Variants in STXBP5 observed in about 807,000 individuals in gnomAD.
The protein encoded by STXBP5 is syntaxin-binding protein 5.
Under a neutral mutation model 152.4 loss-of-function variants are expected in STXBP5, and 50 were observed. That is an observed-to-expected ratio of 0.33 (90% confidence interval 0.26 to 0.42). STXBP5 has a LOEUF of 0.42. STXBP5 is among the 10% of genes least tolerant of loss of function. STXBP5 has a pLI of 1.00. For synonymous variants in STXBP5, 492 were observed against 494.7 expected, an observed-to-expected ratio of 0.99 and a Z score of 0.07; for missense variants, 1,167 against 1,388.6, an observed-to-expected ratio of 0.84 and a Z score of 2.54.
chr6:147,232,816 T>TA (rs1001324809), intron 2 of STXBP5, among the ~76,000 whole-genome samples: 22 of 151,856 alleles, frequency 1.4e-4, no homozygotes, highest in African/African-American at 5.3e-4. Context: ...TATATCAATT[T>TA]AAAAGTACAT....
intron 25 of STXBP5, among the ~76,000 whole-genome samples, chr6:147,368,950 TAAA>T (rs1562273218): frequency 6.6e-6 from 1 of 151,896 alleles, no homozygotes; most frequent in African/African-American, 2.4e-5. Context: ...TTTAAAGTCT[TAAA>T]AATTTTTTAG....
At chr6:147,262,182 T>A (rs1230630773) in intron 5 of STXBP5, 108 bp from the exon 6 acceptor site, 5 of 704,074 alleles carry the variant, frequency 7.1e-6, no homozygotes, top group Non-Finnish European at 1.1e-5. Context: ...ATCCTTTCTT[T>A]CTTTATAAAT....
chr6:147,378,970 A>G (rs980212962), intron 26 of STXBP5, among the ~76,000 whole-genome samples: 14 of 152,082 alleles, frequency 9.2e-5, no homozygotes, highest in African/African-American at 3.4e-4. Context: ...GTTTCAGGAG[A>G]GAATCCATTT....
chr6:147,324,365 C>T (rs193297534), intron 16 of STXBP5, among the ~76,000 whole-genome samples: 160 of 149,450 alleles, frequency 1.1e-3, no homozygotes, highest in African/African-American at 3.4e-3. Context: ...TTCTGCCTCC[C>T]GGGTTCAAGC....
At position 147,373,678 on chromosome 6, in the gene STXBP5, A is replaced by G. The variant is rs868668411; in HGVS notation, c.3082-53A>G. 3.2e-5 allele frequency: 42 copies of G among 1,323,440 alleles called. 1 individual carries two copies. The Middle Eastern group carries it at 6.7e-3, about 213-fold the overall frequency. The allele number at this position is 1,323,440 out of a possible 1,614,324, so 82.0% of individuals were successfully genotyped here. A position where few individuals can be genotyped will look rare whatever the true frequency, so the allele number is the denominator to read the frequency against. On this transcript the variant is annotated intron_variant, in intron 25 of 27. Coordinates refer to ENST00000321680, the MANE Select transcript of STXBP5 (RefSeq NM_001127715.4). ...GTTTACAGTGATACTTTTGTTCATT[A>G]TAGTTTAGTTTCCCTGAAATTTCAA...
rs1013033047 is a variant in STXBP5, at chr6:147,385,615, A to C, written c.*860A>C. ...TTCAGCTAAAGGTGGATTTGACCAA[A>C]ATAATGCTGGTTAAATTTGTAGAAA... On this transcript the variant is annotated 3_prime_UTR_variant, in exon 28 of 28. Transcript: ENST00000321680. The C allele has an allele frequency of 4.6e-5, 7 of 152,092 alleles. No individual in the cohort carries two copies. Among genetic ancestry groups the C allele is most frequent in the Non-Finnish European group, 8.8e-5 (6 of 67,996 alleles). 9.4% of individuals were successfully genotyped at this position (152,092 alleles called of 1,614,324 possible). A position where few individuals can be genotyped will look rare whatever the true frequency, so the allele number is the denominator to read the frequency against.
At chr6:147,213,475 TGTGC>T (rs1181987297) in intron 2 of STXBP5, among the ~76,000 whole-genome samples, 2 of 132,174 alleles carry the variant, frequency 1.5e-5, no homozygotes, top group Non-Finnish European at 3.2e-5. Flanking sequence ...TGTGTGTGTG[TGTGC>T]GCGCGCATAT....
intron 23 of STXBP5, among the ~76,000 whole-genome samples, chr6:147,362,849 T>C (rs181630310): frequency 1.8e-3 from 276 of 152,332 alleles, no homozygotes; most frequent in African/African-American, 6.5e-3. Flanking sequence ...TGCTAAAGTC[T>C]TCAGATGGGG....
At chr6:147,254,651 A>G (rs1235509626) in intron 4 of STXBP5, among the ~76,000 whole-genome samples, 5 of 152,192 alleles carry the variant, frequency 3.3e-5, no homozygotes, top group Non-Finnish European at 7.4e-5. Context: ...AGACATTTAC[A>G]CAGCCACTTT....
chr6:147,208,475 C>T (rs1011203039), intron 2 of STXBP5, among the ~76,000 whole-genome samples: 3 of 152,092 alleles, frequency 2.0e-5, no homozygotes, highest in Admixed American at 6.5e-5. Context: ...ATTTGGTTAA[C>T]GTGCAGATTT....
chr6:147,213,477 T>TGTGTGCGCGC, intron 2 of STXBP5, among the ~76,000 whole-genome samples: 43 of 131,320 alleles, frequency 3.3e-4, no homozygotes, highest in South Asian at 9.3e-4. Context: ...TGTGTGTGTG[T>TGTGTGCGCGC]GCGCGCGCAT....
intron 4 of STXBP5, among the ~76,000 whole-genome samples, chr6:147,247,426 T>C (rs1778865032): frequency 6.6e-6 from 1 of 152,178 alleles, no homozygotes; most frequent in Admixed American, 6.5e-5. Flanking sequence ...AGACAACTGG[T>C]TGGTGATATG....
Position 147,310,187 on chromosome 6 carries a change from G to A in STXBP5, c.1021G>A (p.Asp341Asn). The change falls in exon 10 of 28, where the codon GAC (aspartate) becomes AAC (asparagine). Residue 341 changes from aspartate to asparagine, a missense_variant. Transcript: ENST00000321680. ...GAAAAGCACTGCTGTGCTAGAAATGGACTATTCAATTGTTGATTTTCTAAC... is the reference window on the plus strand; with the variant it reads ...GAAAAGCACTGCTGTGCTAGAAATGAACTATTCAATTGTTGATTTTCTAAC... ...HGKSTAVLEM[D>N]YSIVDFLTLC... 6.2e-7 allele frequency: 1 copy of A among 1,602,922 alleles called. No homozygotes were observed. The highest frequency in any genetic ancestry group is 8.5e-7 in the Non-Finnish European group (1 of 1,176,790).
rs61074711 is a variant in STXBP5 at position 147,337,192 on chromosome 6, G to GAC, written c.2147-1965_2147-1964dup. ...AGATATATATATATACACATACATA[G>GAC]ACACACACACACACACACACACAAG... On this transcript the variant is annotated intron_variant, in intron 19 of 27. Coordinates refer to ENST00000321680, the MANE Select transcript of STXBP5 (RefSeq NM_001127715.4). 2.5e-3 allele frequency among the ~76,000 whole-genome samples: 133 copies of GAC among 53,936 alleles called. 1 individual carries two copies. The highest frequency in any genetic ancestry group is 0.018 in the South Asian group (30 of 1,704). The allele number at this position is 53,936 out of a possible 152,430, so 35.4% of individuals were successfully genotyped here.
At chr6:147,226,284 C>T (rs1293425712) in intron 2 of STXBP5, among the ~76,000 whole-genome samples, 1 of 146,328 alleles carries the variant, frequency 6.8e-6, no homozygotes, top group Non-Finnish European at 1.5e-5. Context: ...CCCTGGGTGA[C>T]AGTGATACCC....
chr6:147,267,248 T>A (rs1779938130), intron 7 of STXBP5, 81 bp downstream of exon 7: 1 of 1,160,228 alleles, frequency 8.6e-7, no homozygotes, highest in Middle Eastern at 2.2e-4. Flanking sequence ...TTGGTAATTT[T>A]ACTTTAGGCA....
chr6:147,216,248 C>T lies in STXBP5; in HGVS notation c.248+10180C>T, dbSNP rs562752091. Among the ~76,000 whole-genome samples the T allele has an allele frequency of 1.9e-3, 282 of 152,044 alleles. 1 individual carries two copies. Among genetic ancestry groups the T allele is most frequent in the African/African-American group, 6.4e-3 (266 of 41,474 alleles). Reference sequence around the variant, plus strand: ...CTCTACTAAAAATATAAAAATTTGCCGAGCGTGGTGGCAGGTGCCTGTAAT... The same window carrying T: ...CTCTACTAAAAATATAAAAATTTGCTGAGCGTGGTGGCAGGTGCCTGTAAT... On this transcript the variant is annotated intron_variant, in intron 2 of 27. Transcript: ENST00000321680.
At chr6:147,315,837 CT>C in intron 15 of STXBP5, 102 bp downstream of exon 15, 5 of 958,588 alleles carry the variant, frequency 5.2e-6, no homozygotes, top group Non-Finnish European at 8.0e-6. Flanking sequence ...TTGTGCAGAA[CT>C]TTTGAAAACA....
chr6:147,312,480 C>G (rs1450841478), intron 11 of STXBP5, among the ~76,000 whole-genome samples: 1 of 152,150 alleles, frequency 6.6e-6, no homozygotes, highest in African/African-American at 2.4e-5. Context: ...CAGCCCCGCC[C>G]TTCTCCCACC....
Sources: gnomAD v4.1 joint callset for allele counts (sites outside exome capture counted in the v4.1 genomes callset) on GRCh38, gnomAD v4.1.1 for gene constraint, MANE v1.5 for transcripts, NCBI Gene and HGNC (gene_info 2026-07-23, HGNC 2026-07-21) for gene names.